Variants in ASXL3 observed in about 807,000 individuals in gnomAD.
ASXL3 encodes putative Polycomb group protein ASXL3.
A neutral mutation model predicts 170.6 loss-of-function variants in ASXL3; 34 were observed. That is an observed-to-expected ratio of 0.20 (90% CI 0.15 to 0.27). ASXL3 has a LOEUF of 0.27. Ranked by LOEUF, ASXL3 falls within the 10% of genes least tolerant of loss-of-function variation. The pLI, the probability that ASXL3 is intolerant of heterozygous loss-of-function variation, is 1.00. For synonymous variants in ASXL3, 1,002 were observed against 989.1 expected (o/e 1.01, Z -0.24); for missense variants, 2,592 against 2,695.3 (o/e 0.96, Z 0.85).
rs536850257 is a variant in ASXL3 at position 33,633,218 on chromosome 18, C to G, written c.138-11676C>G. Reference sequence around the variant, plus strand: ...TAAAATTTACAAAGCACACTTCCAACTGGAAATACAATCTTTTTATTTATT... The same window carrying G: ...TAAAATTTACAAAGCACACTTCCAAGTGGAAATACAATCTTTTTATTTATT... On this transcript the variant is annotated intron_variant, in intron 2 of 11. Transcript: ENST00000269197. Among the ~76,000 whole-genome samples, 6 of 152,262 alleles carry G rather than the reference C, an allele frequency of 3.9e-5. No individual in the cohort carries two copies. The East Asian group carries it at 1.2e-3, about 29-fold the overall frequency.
intron 8 of ASXL3, among the ~76,000 whole-genome samples, chr18:33,712,261 G>T (rs1207914257): frequency 6.6e-6 from 1 of 152,056 alleles, no homozygotes; most frequent in Non-Finnish European, 1.5e-5. Context: ...TTTGATTACT[G>T]ACAGAGAATA....
At chr18:33,590,686 A>G (rs931638070) in intron 1 of ASXL3, among the ~76,000 whole-genome samples, 3 of 152,162 alleles carry the variant, frequency 2.0e-5, no homozygotes, top group African/African-American at 7.2e-5. Flanking sequence ...TCAGGCATCC[A>G]TTACAAAGAA....
chr18:33,709,973 G>T (rs897154119), intron 8 of ASXL3, among the ~76,000 whole-genome samples: 5 of 152,098 alleles, frequency 3.3e-5, no homozygotes, highest in Admixed American at 3.3e-4. Context: ...GCTGACTGAT[G>T]GGCCGGGTGC....
intron 2 of ASXL3, among the ~76,000 whole-genome samples, chr18:33,644,541 G>T (rs541215526): frequency 6.6e-6 from 1 of 150,726 alleles, no homozygotes; most frequent in African/African-American, 2.4e-5. Context: ...AAAAGCTAAG[G>T]CTTCATGGTG....
Position 33,731,933 on chromosome 18 carries a change from G to A in ASXL3, c.880-35G>A. The A allele has an allele frequency of 3.2e-6, 5 of 1,577,602 alleles. 1 individual carries two copies. The South Asian group carries it at 4.5e-5, about 14-fold the overall frequency. On this transcript the variant is annotated intron_variant, in intron 8 of 11. Transcript: ENST00000269197. ...CATACTTTTGCTTTGACTTATTCCT[G>A]ATGGAACCTTGTTTTTGTCGGCTTA... is the stretch of plus-strand genomic sequence containing the variant.
chr18:33,713,051 T>C (rs989668099), intron 8 of ASXL3, among the ~76,000 whole-genome samples: 2 of 151,946 alleles, frequency 1.3e-5, no homozygotes, highest in African/African-American at 4.8e-5. Context: ...TCACACGTGC[T>C]CACGTTCCTT....
chr18:33,689,639 G>A (rs569526772), intron 8 of ASXL3, among the ~76,000 whole-genome samples: 1 of 152,236 alleles, frequency 6.6e-6, no homozygotes, highest in African/African-American at 2.4e-5. Context: ...TACAGTAAAT[G>A]ATGTTGCGTT....
intron 8 of ASXL3, among the ~76,000 whole-genome samples, chr18:33,702,631 A>G (rs11876889): frequency 6.6e-6 from 1 of 152,002 alleles, no homozygotes; most frequent in African/African-American, 2.4e-5. Context: ...ATCATTATAT[A>G]CCATAATTTT....
intron 8 of ASXL3, among the ~76,000 whole-genome samples, chr18:33,731,153 G>T (rs182171185): frequency 6.6e-6 from 1 of 152,254 alleles, no homozygotes; most frequent in East Asian, 1.9e-4. Flanking sequence ...TTAAATTTTA[G>T]AAGAGTGATA....
intron 8 of ASXL3, among the ~76,000 whole-genome samples, chr18:33,698,021 A>G (rs761419815): frequency 1.3e-5 from 2 of 152,068 alleles, no homozygotes; most frequent in Non-Finnish European, 2.9e-5. Context: ...GAGATAGGTA[A>G]AGATGGAAGA....
chr18:33,607,488 A>G, intron 1 of ASXL3, 106 bp from the exon 2 acceptor site: 1 of 915,972 alleles, frequency 1.1e-6, no homozygotes, highest in Admixed American at 2.5e-5. Flanking sequence ...TTGATGTAAA[A>G]GCCCCTTCCC....
chr18:33,736,476 T>C (rs188410513), intron 10 of ASXL3, among the ~76,000 whole-genome samples: 87 of 152,256 alleles, frequency 5.7e-4, no homozygotes, highest in Non-Finnish European at 8.4e-4. Flanking sequence ...TGCCCTTCTT[T>C]GTTGCCCCCA....
intron 7 of ASXL3, among the ~76,000 whole-genome samples, chr18:33,681,485 C>A (rs527646192): frequency 6.6e-6 from 1 of 152,132 alleles, no homozygotes; most frequent in Non-Finnish European, 1.5e-5. Flanking sequence ...TTGACAGTTT[C>A]TCTTGCCCTT....
chr18:33,745,310 G>A lies in ASXL3; in HGVS notation c.5462G>A (p.Arg1821Lys). 1 of 1,613,982 alleles carries A rather than the reference G, an allele frequency of 6.2e-7. No individual in the cohort carries two copies. The highest frequency in any genetic ancestry group is 8.5e-7 in the Non-Finnish European group (1 of 1,179,900). The change falls in exon 12 of 12, where the codon AGA (arginine) becomes AAA (lysine). Residue 1821 changes from arginine to lysine, a missense_variant. By Grantham distance (26) the Arg-to-Lys change is conservative (BLOSUM62 2). Transcript: ENST00000269197. The stretch of plus-strand genomic sequence containing the variant: ...GGGACTCTGGCACCACTCCAAATGA[G>A]AAAGCGAGAAAACCACCCCAAAAAG... ...LAGTLAPLQM[R>K]KRENHPKKRV...
chr18:33,678,777 G>T (rs550383799), intron 7 of ASXL3, among the ~76,000 whole-genome samples: 1 of 152,150 alleles, frequency 6.6e-6, no homozygotes, highest in African/African-American at 2.4e-5. Context: ...ATATATAATT[G>T]GATTGTTCTT....
intron 10 of ASXL3, among the ~76,000 whole-genome samples, chr18:33,736,247 C>T (rs2067544633): frequency 6.6e-6 from 1 of 151,956 alleles, no homozygotes. Flanking sequence ...GATCTAGGGC[C>T]CCTTCCCTAG....
At position 33,740,357 on chromosome 18, in the gene ASXL3, G is replaced by A. The variant is rs1380733909; in HGVS notation, c.2953G>A (p.Asp985Asn). 3 of 1,611,078 alleles carry A rather than the reference G, an allele frequency of 1.9e-6. No homozygotes were observed. Among genetic ancestry groups the A allele is most frequent in the African/African-American group, 2.7e-5 (2 of 74,864 alleles). ...GGAAAAGAGAGCTAGGATAGAAGAT[G>A]ATCAGTCAACCCGGAACATATCATC... ...CKEKRARIED[D>N]QSTRNISSSS... Residue 985 changes from aspartate (D) to asparagine (N), a missense_variant, in exon 11 of 12, where the codon GAT becomes AAT. Asp to Asn is a conservative substitution (Grantham distance 23). Around this residue, in one of 4 missense-constraint regions of ASXL3, gnomAD observed 2,246 missense variants for 2,219.6 expected, o/e 1.01. Transcript: ENST00000269197.
At chr18:33,724,113 C>T (rs1036022079) in intron 8 of ASXL3, among the ~76,000 whole-genome samples, 8 of 152,016 alleles carry the variant, frequency 5.3e-5, no homozygotes, top group South Asian at 2.1e-4. Flanking sequence ...ACTTTATTGT[C>T]GTAGTTTGGA....
intron 2 of ASXL3, among the ~76,000 whole-genome samples, chr18:33,609,569 G>A (rs2065302909): frequency 6.6e-6 from 1 of 151,964 alleles, no homozygotes; most frequent in Non-Finnish European, 1.5e-5. Flanking sequence ...AGCATGCATA[G>A]TTAACAAATA....
Sources: allele counts gnomAD v4.1 joint callset (sites outside exome capture counted in the v4.1 genomes callset), GRCh38; gene constraint gnomAD v4.1.1; regional missense constraint gnomAD v4.1.1; transcripts MANE v1.5; gene names NCBI Gene and HGNC (gene_info 2026-07-23, HGNC 2026-07-21).